The following SPMIP4 variants were observed in gnomAD, a reference collection of about 807,000 sequenced individuals.
The protein encoded by SPMIP4 is sperm microtubule inner protein 4.
chr7:25,178,917 T>C, the SPMIP4 span, among the ~76,000 whole-genome samples: 2 of 152,122 alleles, frequency 1.3e-5, no homozygotes, highest in Non-Finnish European at 2.9e-5. Flanking sequence ...GGTGCATGCC[T>C]GTAATCCCAG....
At chr7:25,132,375 T>G in the SPMIP4 span, among the ~76,000 whole-genome samples, 52 of 152,230 alleles carry the variant, frequency 3.4e-4, no homozygotes, top group African/African-American at 1.2e-3. The surrounding 1 kb of genome is among the most constrained non-coding windows in gnomAD (Gnocchi z 5.0). Flanking sequence ...TAACTATTGT[T>G]GTGTGCATTT....
the SPMIP4 span, among the ~76,000 whole-genome samples, chr7:25,164,930 C>T: frequency 1.3e-5 from 2 of 152,232 alleles, no homozygotes; most frequent in African/African-American, 4.8e-5. Context: ...CTCCAACTCC[C>T]TCCAGGTTGC....
At chr7:25,145,294 T>C in the SPMIP4 span, among the ~76,000 whole-genome samples, 1 of 152,174 alleles carries the variant, frequency 6.6e-6, no homozygotes, top group Non-Finnish European at 1.5e-5. Flanking sequence ...TATTGTTCTA[T>C]GAGGCTGGAT....
chr7:25,154,899 T>C, the SPMIP4 span: 12 of 991,848 alleles, frequency 1.2e-5, no homozygotes, highest in East Asian at 2.1e-4. Context: ...TCCTGATCTA[T>C]TGAGTCACAC....
chr7:25,129,053 G>T, the SPMIP4 span, among the ~76,000 whole-genome samples: 19 of 152,194 alleles, frequency 1.2e-4, no homozygotes, highest in Non-Finnish European at 4.4e-5. Context: ...CTCCTCAAGT[G>T]GTGGGAAGGA....
the SPMIP4 span, among the ~76,000 whole-genome samples, chr7:25,143,881 G>A: frequency 6.6e-6 from 1 of 152,270 alleles, no homozygotes; most frequent in South Asian, 2.1e-4. Context: ...ATAGACATGA[G>A]CTACCATGCT....
the SPMIP4 span, among the ~76,000 whole-genome samples, chr7:25,147,489 G>A: frequency 6.6e-6 from 1 of 152,058 alleles, no homozygotes; most frequent in Non-Finnish European, 1.5e-5. Context: ...CCAGTCCAAA[G>A]AGGCAAAGCT....
the SPMIP4 span, chr7:25,126,044 G>T: frequency 3.8e-6 from 2 of 527,728 alleles, no homozygotes; most frequent in Non-Finnish European, 4.4e-6. Context: ...TTATGAGTAC[G>T]AAGTAGGTAA....
At chr7:25,151,082 G>T in the SPMIP4 span, among the ~76,000 whole-genome samples, 5 of 152,114 alleles carry the variant, frequency 3.3e-5, no homozygotes, top group South Asian at 1.0e-3. Context: ...ATCTTCCTGG[G>T]GGCAATCTTT....
At chr7:25,158,532 T>C in the SPMIP4 span, 10 of 1,609,138 alleles carry the variant, frequency 6.2e-6, no homozygotes, top group African/African-American at 2.7e-5. Flanking sequence ...TTGGGTATCC[T>C]AGAATAAAAA....
the SPMIP4 span, among the ~76,000 whole-genome samples, chr7:25,157,164 TG>T: frequency 6.6e-6 from 1 of 152,144 alleles, no homozygotes; most frequent in Non-Finnish European, 1.5e-5. Flanking sequence ...CAAAAGAAAG[TG>T]GTATTGGATT....
chr7:25,160,433 G>T, the SPMIP4 span, among the ~76,000 whole-genome samples: 2 of 152,018 alleles, frequency 1.3e-5, no homozygotes, highest in Non-Finnish European at 2.9e-5. Context: ...CTAGTAGCTG[G>T]GATTACAGCC....
the SPMIP4 span, chr7:25,168,547 A>C: frequency 2.6e-6 from 3 of 1,137,292 alleles, no homozygotes; most frequent in Admixed American, 8.3e-5. Flanking sequence ...TAAAATTCCT[A>C]CCACTTCATA....
the SPMIP4 span, among the ~76,000 whole-genome samples, chr7:25,130,606 GCC>G: frequency 2.0e-5 from 3 of 152,088 alleles, no homozygotes; most frequent in Non-Finnish European, 4.4e-5. Flanking sequence ...GAGCCACCGC[GCC>G]CAGCCAGTTA....
the SPMIP4 span, chr7:25,136,023 C>T: frequency 9.0e-5 from 146 of 1,613,296 alleles, no homozygotes; most frequent in African/African-American, 1.3e-3. The surrounding 1 kb of genome is among the most constrained non-coding windows in gnomAD (Gnocchi z 5.7). Flanking sequence ...GCTTCATCCC[C>T]GAATGCTCAT....
At chr7:25,140,903 G>T in the SPMIP4 span, among the ~76,000 whole-genome samples, 1 of 152,244 alleles carries the variant, frequency 6.6e-6, no homozygotes, top group South Asian at 2.1e-4. Context: ...AGTTTTTAAA[G>T]TGTTCAAACT....
the SPMIP4 span, among the ~76,000 whole-genome samples, chr7:25,175,487 G>A: frequency 3.9e-5 from 6 of 152,148 alleles, no homozygotes; most frequent in Admixed American, 2.0e-4. Context: ...TGAGGAAATC[G>A]TTTTGCGTCA....
At chr7:25,132,552 G>T in the SPMIP4 span, among the ~76,000 whole-genome samples, 2 of 152,286 alleles carry the variant, frequency 1.3e-5, no homozygotes, top group South Asian at 4.1e-4. This position sits in a 1 kb window ranked among gnomAD's most constrained non-coding sequence, Gnocchi z 5.0. Flanking sequence ...AGAAATGTTT[G>T]GGGGAGAATG....
the SPMIP4 span, among the ~76,000 whole-genome samples, chr7:25,153,259 C>T: frequency 2.6e-5 from 4 of 152,190 alleles, no homozygotes; most frequent in Non-Finnish European, 5.9e-5. Flanking sequence ...CCTTATGTTA[C>T]TGCACTGAAA....
Sources: allele counts gnomAD v4.1 joint callset (sites outside exome capture counted in the v4.1 genomes callset), GRCh38; gene constraint gnomAD v4.1.1; non-coding constraint Gnocchi (gnomAD v3.1); transcripts MANE v1.5; gene names NCBI Gene and HGNC (gene_info 2026-07-23, HGNC 2026-07-21).